Variants in PATJ observed in about 807,000 individuals in gnomAD.
The protein encoded by PATJ is inaD-like protein.
In PATJ, 190 loss-of-function variants were observed where a neutral mutation model predicts 224.9. That is an observed-to-expected ratio of 0.84 (90% confidence interval 0.75 to 0.95). PATJ has a LOEUF of 0.95. Ranked by LOEUF, PATJ falls within the 40% of genes least tolerant of loss-of-function variation. The pLI is 0.00. For synonymous variants in PATJ, 769 were observed against 820.3 expected, an observed-to-expected ratio of 0.94 and a Z score of 1.07; for missense variants, 2,121 against 2,270.3, an observed-to-expected ratio of 0.93 and a Z score of 1.34.
chr1:62,146,416 C>T (rs577667251), intron 41 of PATJ, among the ~76,000 whole-genome samples: 14 of 152,088 alleles, frequency 9.2e-5, no homozygotes, highest in Admixed American at 2.6e-4. Flanking sequence ...ACATCCTAGC[C>T]GCTATGGATG....
intron 16 of PATJ, among the ~76,000 whole-genome samples, chr1:61,830,013 T>C (rs2148771021): frequency 6.6e-6 from 1 of 152,346 alleles, no homozygotes; most frequent in African/African-American, 2.4e-5. Flanking sequence ...ATTGTTCCCA[T>C]GTTAGGTTCA....
chr1:61,965,759 G>A (rs1039930717), intron 27 of PATJ, among the ~76,000 whole-genome samples: 14 of 152,160 alleles, frequency 9.2e-5, no homozygotes, highest in African/African-American at 2.2e-4. Context: ...TTTATTGCCC[G>A]TTTTAACCGA....
chr1:61,968,527 T>C (rs1682489464), intron 27 of PATJ, among the ~76,000 whole-genome samples: 1 of 152,224 alleles, frequency 6.6e-6, no homozygotes, highest in Non-Finnish European at 1.5e-5. Flanking sequence ...CAAAACTTTA[T>C]CTTCCCAAAC....
chr1:61,950,620 A>T lies in PATJ; in HGVS notation c.3670+22791A>T, dbSNP rs139949900. 3.1e-3 allele frequency among the ~76,000 whole-genome samples: 477 copies of T among 152,354 alleles called. 2 individuals carry two copies. Among genetic ancestry groups the T allele is most frequent in the Non-Finnish European group, 5.0e-3 (343 of 68,036 alleles). ...CAATCAACAGCAATTATTACCAAGC[A>T]TTTAAAGAATGTTAAGAATGTTCAC... On this transcript the variant is annotated intron_variant, in intron 27 of 43. Transcript: ENST00000642238.
At chr1:61,992,100 A>C (rs944107135) in intron 28 of PATJ, among the ~76,000 whole-genome samples, 6 of 149,074 alleles carry the variant, frequency 4.0e-5, no homozygotes, top group Non-Finnish European at 8.9e-5. Context: ...AAAGTATACT[A>C]TGTTCCCTGT....
intron 37 of PATJ, among the ~76,000 whole-genome samples, chr1:62,119,288 A>C (rs1433884266): frequency 2.0e-5 from 3 of 152,214 alleles, no homozygotes; most frequent in African/African-American, 7.2e-5. Context: ...CATCATGATG[A>C]GTTGAAGACT....
At chr1:61,843,905 A>T (rs1407533142) in intron 17 of PATJ, among the ~76,000 whole-genome samples, 24 of 152,126 alleles carry the variant, frequency 1.6e-4, no homozygotes, top group Non-Finnish European at 2.9e-5. Context: ...CAGTATGGAG[A>T]CTATAAAAAT....
chr1:61,889,449 G>A (rs1337229338), intron 22 of PATJ, among the ~76,000 whole-genome samples: 1 of 151,968 alleles, frequency 6.6e-6, no homozygotes, highest in Admixed American at 6.6e-5. Flanking sequence ...TATCTTCAAG[G>A]GATATGTTCC....
chr1:62,163,063 G>T lies in PATJ; in HGVS notation c.*2009G>T. On this transcript the variant is annotated 3_prime_UTR_variant, in exon 44 of 44. Transcript: ENST00000642238. ...TTCACAGTAATTATCAAAATTTAAT[G>T]GGCTCTAATTTAAAATGTTATTTAA... 1 of 204,024 alleles carries T rather than the reference G, an allele frequency of 4.9e-6. No individual in the cohort carries two copies. Among genetic ancestry groups the T allele is most frequent in the South Asian group, 5.3e-5 (1 of 18,800 alleles). The allele number at this position is 204,024 out of a possible 1,614,324, so 12.6% of individuals were successfully genotyped here.
chr1:61,789,030 C>T (rs936132816), intron 8 of PATJ, among the ~76,000 whole-genome samples: 3 of 152,140 alleles, frequency 2.0e-5, no homozygotes, highest in Non-Finnish European at 4.4e-5. Context: ...AGAAATGGGC[C>T]AGATGCGGTG....
At chr1:62,111,224 GT>G (rs927039166) in intron 34 of PATJ, among the ~76,000 whole-genome samples, 5 of 151,968 alleles carry the variant, frequency 3.3e-5, no homozygotes, top group African/African-American at 4.8e-5. Context: ...AGGTAACTGG[GT>G]TTTTTTTATT....
At chr1:62,090,401 C>G (rs1660586379) in intron 33 of PATJ, among the ~76,000 whole-genome samples, 1 of 152,068 alleles carries the variant, frequency 6.6e-6, no homozygotes, top group Admixed American at 6.6e-5. Flanking sequence ...CTCACACAGT[C>G]GTTCAAGTTA....
chr1:61,977,903 A>T lies in PATJ; in HGVS notation c.3671-12265A>T, dbSNP rs367767437. Among the ~76,000 whole-genome samples, 73 of 151,520 alleles carry T rather than the reference A, an allele frequency of 4.8e-4. No homozygotes were observed. In the East Asian group the frequency reaches 7.2e-3, roughly 15 times the overall value. On this transcript the variant is annotated intron_variant, in intron 27 of 43. Transcript: ENST00000642238. ...AAGACTCAAAAAAAAAAAAAAACTTAAAAAAATTTTTTTAATAAAAATAAG... is the reference window on the plus strand; with the variant it reads ...AAGACTCAAAAAAAAAAAAAAACTTTAAAAAATTTTTTTAATAAAAATAAG...
At chr1:61,762,942 A>G (rs972712776) in intron 2 of PATJ, 28 bp downstream of exon 2, 1 of 1,504,048 alleles carries the variant, frequency 6.6e-7, no homozygotes, top group African/African-American at 1.4e-5. Context: ...TTCTATAATT[A>G]AATTAATTAT....
rs1226604632 is a variant in PATJ at position 61,756,313 on chromosome 1, C to T, written c.-35-6545C>T. Among the ~76,000 whole-genome samples, 16 of 152,090 alleles carry T rather than the reference C, an allele frequency of 1.1e-4. 1 individual carries two copies. The highest frequency in any genetic ancestry group is 2.2e-4 in the African/African-American group (9 of 41,410). Reference sequence around the variant, plus strand: ...TAGTTATTGTTTTCACAGAAAGTCACGCACTTTTGCACCTGTATGCAGTGG... The same window carrying T: ...TAGTTATTGTTTTCACAGAAAGTCATGCACTTTTGCACCTGTATGCAGTGG... On this transcript the variant is annotated intron_variant, in intron 1 of 43. Transcript: ENST00000642238.
chr1:62,017,271 A>C (rs1646820230), intron 28 of PATJ, among the ~76,000 whole-genome samples: 1 of 152,050 alleles, frequency 6.6e-6, no homozygotes, highest in African/African-American at 2.4e-5. Flanking sequence ...AAAATTAGCC[A>C]GGCATGGTGG....
intron 11 of PATJ, among the ~76,000 whole-genome samples, chr1:61,800,276 T>C (rs1652204342): frequency 6.6e-6 from 1 of 152,232 alleles, no homozygotes; most frequent in Non-Finnish European, 1.5e-5. Flanking sequence ...TTTTTTGACT[T>C]TTTAATAATG....
intron 14 of PATJ, 125 bp from the exon 15 acceptor site, chr1:61,822,820 C>T: frequency 8.8e-7 from 1 of 1,132,138 alleles, no homozygotes; most frequent in Admixed American, 2.2e-5. Flanking sequence ...TTATTGTCCT[C>T]TTTTAGGATT....
chr1:61,903,634 G>T (rs996266072), intron 24 of PATJ, among the ~76,000 whole-genome samples: 1 of 152,066 alleles, frequency 6.6e-6, no homozygotes, highest in Non-Finnish European at 1.5e-5. Context: ...TACATATTTA[G>T]TGGATTTGTT....
Sources: gnomAD v4.1 joint callset for allele counts (sites outside exome capture counted in the v4.1 genomes callset) on GRCh38, gnomAD v4.1.1 for gene constraint, MANE v1.5 for transcripts, NCBI Gene and HGNC (gene_info 2026-07-23, HGNC 2026-07-21) for gene names.